The following FUT8 variants were observed in gnomAD, a reference collection of about 807,000 sequenced individuals.
The protein encoded by FUT8 is alpha-(1,6)-fucosyltransferase.
A neutral mutation model predicts 71.3 loss-of-function variants in FUT8; 29 were observed. That is an observed-to-expected ratio of 0.41 (90% CI 0.30 to 0.55). FUT8 has a LOEUF of 0.55. Ranked by LOEUF, FUT8 falls within the 20% of genes least tolerant of loss-of-function variation. FUT8 has a pLI of 0.34. For synonymous variants in FUT8, 254 were observed against 239.3 expected, an observed-to-expected ratio of 1.06 and a Z score of -0.57; for missense variants, 544 against 702.1, an observed-to-expected ratio of 0.77 and a Z score of 2.55.
chr14:65,653,894 G>A (rs1442200688), intron 6 of FUT8, among the ~76,000 whole-genome samples: 1 of 152,136 alleles, frequency 6.6e-6, no homozygotes. Context: ...AAAATACAAC[G>A]AAGTGAGAAA....
At chr14:65,618,641 A>G (rs975520265) in intron 5 of FUT8, among the ~76,000 whole-genome samples, 19 of 152,264 alleles carry the variant, frequency 1.2e-4, no homozygotes, top group South Asian at 2.1e-4. Context: ...TTTATTATGT[A>G]GAATATACCC....
chr14:65,394,511 C>T, the FUT8 span, among the ~76,000 whole-genome samples: 1 of 152,270 alleles, frequency 6.6e-6, no homozygotes, highest in East Asian at 1.9e-4. Context: ...CCCAACAGTC[C>T]CCCAAAGTCT....
intron 7 of FUT8, among the ~76,000 whole-genome samples, chr14:65,692,389 G>A (rs1241861300): frequency 2.1e-5 from 3 of 143,512 alleles, no homozygotes; most frequent in African/African-American, 5.2e-5. Flanking sequence ...CGGACGGGGC[G>A]GCTGGCCGGG....
intron 5 of FUT8, among the ~76,000 whole-genome samples, chr14:65,617,580 T>G (rs1412328105): frequency 6.6e-6 from 1 of 152,186 alleles, no homozygotes; most frequent in Non-Finnish European, 1.5e-5. Context: ...AGGATTTGAC[T>G]TGGGTAGACT....
At chr14:65,499,417 T>G (rs891528339) in intron 2 of FUT8, among the ~76,000 whole-genome samples, 21 of 152,188 alleles carry the variant, frequency 1.4e-4, no homozygotes, top group Non-Finnish European at 2.6e-4. Context: ...CCACTTTTTT[T>G]TTTAAGTAGT....
intron 2 of FUT8, among the ~76,000 whole-genome samples, chr14:65,487,571 A>G (rs1180080802): frequency 6.6e-6 from 1 of 151,858 alleles, no homozygotes; most frequent in Non-Finnish European, 1.5e-5. Flanking sequence ...TCTCAAAAAA[A>G]AAAAAAAAAA....
At chr14:65,383,339 A>G in the FUT8 span, among the ~76,000 whole-genome samples, 2 of 126,088 alleles carry the variant, frequency 1.6e-5, no homozygotes, top group Non-Finnish European at 3.1e-5. Context: ...CAGTGGCATG[A>G]TCTTGGCTCA....
intron 1 of FUT8, among the ~76,000 whole-genome samples, chr14:65,447,119 C>T (rs920594226): frequency 1.3e-5 from 2 of 151,478 alleles, no homozygotes; most frequent in African/African-American, 2.4e-5. Context: ...GTGGTGAAAT[C>T]TGGTCTCTAC....
intron 2 of FUT8, among the ~76,000 whole-genome samples, chr14:65,515,298 G>T (rs1255424665): frequency 6.6e-6 from 1 of 151,928 alleles, no homozygotes; most frequent in African/African-American, 2.4e-5. Flanking sequence ...TTTTTTGGGG[G>T]ACTCTACAAT....
chr14:65,699,907 T>C (rs1894198147), intron 7 of FUT8, among the ~76,000 whole-genome samples: 1 of 152,204 alleles, frequency 6.6e-6, no homozygotes, highest in Non-Finnish European at 1.5e-5. Flanking sequence ...TTATGAATTA[T>C]ATATTCTAGT....
At chr14:65,537,399 A>T (rs1046214693) in intron 2 of FUT8, among the ~76,000 whole-genome samples, 1 of 150,454 alleles carries the variant, frequency 6.6e-6, no homozygotes, top group Non-Finnish European at 1.5e-5. Flanking sequence ...TTACTTACAT[A>T]TTTTTTTTGA....
intron 2 of FUT8, among the ~76,000 whole-genome samples, chr14:65,466,781 A>T (rs1304099979): frequency 2.0e-5 from 3 of 152,020 alleles, no homozygotes; most frequent in Non-Finnish European, 4.4e-5. Context: ...ATTATTTTTT[A>T]GTTGTTGCCC....
At chr14:65,645,498 T>G (rs1480423886) in intron 6 of FUT8, among the ~76,000 whole-genome samples, 2 of 152,204 alleles carry the variant, frequency 1.3e-5, no homozygotes, top group Non-Finnish European at 2.9e-5. Flanking sequence ...CATGGTTGAT[T>G]TAAAATGTTG....
chr14:65,571,919 A>C (rs1387449822), intron 3 of FUT8, among the ~76,000 whole-genome samples: 1 of 152,154 alleles, frequency 6.6e-6, no homozygotes, highest in Non-Finnish European at 1.5e-5. Flanking sequence ...ATATATGAAA[A>C]TCTAGGTTTA....
At chr14:65,556,052 G>T (rs1382895160) in intron 2 of FUT8, among the ~76,000 whole-genome samples, 3 of 152,172 alleles carry the variant, frequency 2.0e-5, no homozygotes, top group African/African-American at 7.2e-5. Flanking sequence ...TCTATAACTT[G>T]CTAGAGACAG....
intron 3 of FUT8, among the ~76,000 whole-genome samples, chr14:65,565,063 T>C (rs1489287924): frequency 1.3e-5 from 2 of 151,992 alleles, no homozygotes; most frequent in Non-Finnish European, 2.9e-5. Flanking sequence ...GGCCTGAGGC[T>C]GCTTCAATTC....
At chr14:65,553,376 A>T (rs1350598744) in intron 2 of FUT8, among the ~76,000 whole-genome samples, 1 of 152,050 alleles carries the variant, frequency 6.6e-6, no homozygotes, top group Non-Finnish European at 1.5e-5. Context: ...TATGTTTTAC[A>T]TCTACATATA....
rs564291143 is a variant in FUT8, at chr14:65,659,261, G to A, written c.598-9982G>A. ...GAGAAATTCATGCTCAGCTAACAGT[G>A]TATTTTTCATGTATGGCTGGCTGCA... On this transcript the variant is annotated intron_variant, in intron 6 of 10. Transcript: ENST00000673929. Among the ~76,000 whole-genome samples, 10 of 151,824 alleles carry A rather than the reference G, an allele frequency of 6.6e-5. No individual in the cohort carries two copies. The South Asian group carries it at 2.1e-3, about 32-fold the overall frequency.
chr14:65,693,672 G>A (rs1000187497), intron 7 of FUT8, among the ~76,000 whole-genome samples: 3 of 152,174 alleles, frequency 2.0e-5, no homozygotes, highest in African/African-American at 4.8e-5. Flanking sequence ...ATGTCTTTAT[G>A]TGGTTTTGGT....
Sources: gnomAD v4.1 joint callset for allele counts (sites outside exome capture counted in the v4.1 genomes callset) on GRCh38, gnomAD v4.1.1 for gene constraint, MANE v1.5 for transcripts, NCBI Gene and HGNC (gene_info 2026-07-23, HGNC 2026-07-21) for gene names.